The following CACNA1D variants were observed in gnomAD, a reference collection of about 807,000 sequenced individuals.
The protein encoded by CACNA1D is voltage-dependent L-type calcium channel subunit alpha-1D.
In CACNA1D, 55 loss-of-function variants were observed where a neutral mutation model predicts 257.1. The ratio of observed to expected loss-of-function variants is 0.21; its 90% CI spans 0.17 to 0.27. The LOEUF (loss-of-function observed/expected upper bound fraction) is 0.27, where lower values mean the gene tolerates loss of function less well. CACNA1D is among the 10% of genes least tolerant of loss of function. The pLI is 1.00. For synonymous variants in CACNA1D, 980 were observed against 1,014.9 expected, an observed-to-expected ratio of 0.97 and a Z score of 0.65; for missense variants, 1,876 against 2,784.0, an observed-to-expected ratio of 0.67 and a Z score of 7.34.
chr3:53,807,058 AC>A (rs2095569920), intron 45 of CACNA1D, among the ~76,000 whole-genome samples: 1 of 152,230 alleles, frequency 6.6e-6, no homozygotes, highest in Non-Finnish European at 1.5e-5. Flanking sequence ...CAGACCTTGG[AC>A]AGGAAGAACA....
At chr3:53,522,625 G>A (rs545737373) in intron 3 of CACNA1D, among the ~76,000 whole-genome samples, 85 of 152,320 alleles carry the variant, frequency 5.6e-4, no homozygotes, top group African/African-American at 2.0e-3. Context: ...AGGGGAAGAT[G>A]TTGAAGAATT....
intron 8 of CACNA1D, among the ~76,000 whole-genome samples, chr3:53,680,855 T>C (rs1412792848): frequency 6.6e-6 from 1 of 152,262 alleles, no homozygotes; most frequent in African/African-American, 2.4e-5. Context: ...TTTTACAGGA[T>C]GGTAAAATTG....
At chr3:53,630,770 AAC>A (rs1308425015) in intron 3 of CACNA1D, among the ~76,000 whole-genome samples, 1 of 152,230 alleles carries the variant, frequency 6.6e-6, no homozygotes, top group Non-Finnish European at 1.5e-5. Context: ...CAATGGCTCA[AAC>A]AGGCATACCT....
intron 15 of CACNA1D, among the ~76,000 whole-genome samples, chr3:53,727,327 C>T (rs1245259861): frequency 1.3e-5 from 2 of 152,196 alleles, no homozygotes; most frequent in Non-Finnish European, 2.9e-5. Context: ...TGGCTGAGCG[C>T]AAGGCCAGGT....
chr3:53,511,041 C>T (rs1325351198), intron 3 of CACNA1D, among the ~76,000 whole-genome samples: 2 of 152,150 alleles, frequency 1.3e-5, no homozygotes, highest in African/African-American at 4.8e-5. Context: ...TTGCTACGGA[C>T]TGGTTTCATG....
intron 38 of CACNA1D, 64 bp from the exon 39 acceptor site, chr3:53,781,502 A>G: frequency 9.3e-7 from 1 of 1,078,998 alleles, no homozygotes; most frequent in South Asian, 1.3e-5. Context: ...AGGCTGTGCA[A>G]GCAGAGGAGG....
intron 3 of CACNA1D, among the ~76,000 whole-genome samples, chr3:53,580,402 A>G (rs1160879389): frequency 1.3e-5 from 2 of 152,238 alleles, no homozygotes; most frequent in African/African-American, 4.8e-5. Flanking sequence ...TGTTTAGCAC[A>G]GCGAATAGAG....
At chr3:53,520,343 A>G (rs1328475595) in intron 3 of CACNA1D, among the ~76,000 whole-genome samples, 1 of 152,220 alleles carries the variant, frequency 6.6e-6, no homozygotes, top group Non-Finnish European at 1.5e-5. Context: ...CATAGTGCAT[A>G]TGAAGTGGTA....
chr3:53,809,869 C>T, intron 46 of CACNA1D, 109 bp from the exon 47 acceptor site: 6 of 978,786 alleles, frequency 6.1e-6, no homozygotes, highest in Non-Finnish European at 6.6e-6. Flanking sequence ...AAGTCCTTGC[C>T]TGGACTGCCC....
At chr3:53,699,779 G>A (rs1475158808) in intron 8 of CACNA1D, among the ~76,000 whole-genome samples, 2 of 152,186 alleles carry the variant, frequency 1.3e-5, no homozygotes, top group Non-Finnish European at 2.9e-5. Context: ...GAGCTTTTGT[G>A]ATAGTGACCA....
In CACNA1D at chr3:53,501,654, T is replaced by C; in HGVS notation, c.417T>C (p.Asn139=). 2 of 1,603,062 alleles carry C rather than the reference T, an allele frequency of 1.2e-6. No homozygotes were observed. The highest frequency in any genetic ancestry group is 1.7e-6 in the Non-Finnish European group (2 of 1,170,346). The change falls in exon 3 of 48, where the codon AAT becomes AAC. Residue 139 remains asparagine (N), a synonymous_variant. Coordinates refer to ENST00000350061, the MANE Select transcript of CACNA1D (RefSeq NM_001128840.3). The stretch of plus-strand genomic sequence containing the variant: ...TTATATTATTGGCTATTTTTGCCAA[T>C]TGTGTGGCCTTAGCTATTTACATCC... The part of the protein sequence containing the change: ...DIFILLAIFA[N]CVALAIYIPF...
intron 8 of CACNA1D, among the ~76,000 whole-genome samples, chr3:53,680,531 T>G (rs895058382): frequency 1.3e-5 from 2 of 152,094 alleles, no homozygotes; most frequent in African/African-American, 4.8e-5. Context: ...AGAGGGAGGT[T>G]GTTGAGGGTA....
Position 53,749,289 on chromosome 3 carries a change from C to T in CACNA1D, c.3336C>T (p.Asp1112=). The part of the protein sequence containing the change: ...GWPALLYKAI[D]SNGENIGPIY... ...CTAGGTTGCTGTATAAAGCCATCGA[C>T]TCGAATGGAGAGAACATCGGCCCAA... The change falls in exon 27 of 48, where the codon GAC becomes GAT. Residue 1112 remains aspartate, a synonymous_variant. Transcript: ENST00000350061. 2 of 1,613,822 alleles carry T rather than the reference C, an allele frequency of 1.2e-6. No homozygotes were observed. Among genetic ancestry groups the T allele is most frequent in the Non-Finnish European group, 1.7e-6 (2 of 1,179,670 alleles).
At chr3:53,596,312 G>A (rs1237644501) in intron 3 of CACNA1D, among the ~76,000 whole-genome samples, 1 of 152,098 alleles carries the variant, frequency 6.6e-6, no homozygotes, top group Non-Finnish European at 1.5e-5. Context: ...GCATGTGCAT[G>A]TGTACCCATG....
chr3:53,754,704 C>T (rs2108898530), intron 29 of CACNA1D, among the ~76,000 whole-genome samples: 1 of 152,254 alleles, frequency 6.6e-6, no homozygotes. Context: ...TTTTCTTTCC[C>T]AGTACAGCCA....
At chr3:53,767,199 G>C (rs1467163972) in intron 30 of CACNA1D, among the ~76,000 whole-genome samples, 1 of 152,156 alleles carries the variant, frequency 6.6e-6, no homozygotes, top group African/African-American at 2.4e-5. Context: ...ACTCGGGCCA[G>C]CTTTACCCTG....
intron 28 of CACNA1D, among the ~76,000 whole-genome samples, chr3:53,752,121 G>T (rs1371296552): frequency 6.6e-6 from 1 of 152,150 alleles, no homozygotes; most frequent in Admixed American, 6.5e-5. Context: ...CGTACAGCAT[G>T]ATGGTAGGTA....
intron 3 of CACNA1D, among the ~76,000 whole-genome samples, chr3:53,523,451 T>C (rs761555529): frequency 1.3e-5 from 2 of 152,252 alleles, no homozygotes; most frequent in Non-Finnish European, 2.9e-5. Flanking sequence ...GTCTGGGGAC[T>C]ATCTCAGACA....
intron 38 of CACNA1D, among the ~76,000 whole-genome samples, chr3:53,781,010 C>T (rs2095422763): frequency 6.6e-6 from 1 of 152,264 alleles, no homozygotes; most frequent in African/African-American, 2.4e-5. Flanking sequence ...TTGTCTGTAC[C>T]TGGCCCCAGG....
Sources: allele counts gnomAD v4.1 joint callset (sites outside exome capture counted in the v4.1 genomes callset), GRCh38; gene constraint gnomAD v4.1.1; transcripts MANE v1.5; gene names NCBI Gene and HGNC (gene_info 2026-07-23, HGNC 2026-07-21).